Variants in COPS4 observed in about 807,000 individuals in gnomAD.
The protein encoded by COPS4 is COP9 signalosome subunit 4, also known as COP9 signalosome complex subunit 4.
In COPS4, 8 loss-of-function variants were observed where a neutral mutation model predicts 55.1. That is an observed-to-expected ratio of 0.15 (90% CI 0.09 to 0.26). The LOEUF is 0.26. COPS4 is among the 10% of genes least tolerant of loss of function. COPS4 has a pLI of 1.00. For missense variants in COPS4, 248 were observed against 484.0 expected, an observed-to-expected ratio of 0.51 and a Z score of 4.58; for synonymous variants, 185 against 165.7, an observed-to-expected ratio of 1.12 and a Z score of -0.90.
chr4:83,051,080 G>A (rs1730875523), intron 4 of COPS4, among the ~76,000 whole-genome samples: 1 of 146,128 alleles, frequency 6.8e-6, no homozygotes, highest in Non-Finnish European at 1.5e-5. Flanking sequence ...GGGCAGCATA[G>A]CTAGACCCCA....
rs547342429 is a variant in COPS4, at chr4:83,070,421, AC to A, written c.1087+1900del. ...TTGCTTCATGGGCATCTTAGCATGA[AC>A]ATATCAAAAACTGAATTTATTATCT... On this transcript the variant is annotated intron_variant, in intron 9 of 9. Transcript: ENST00000264389. Among the ~76,000 whole-genome samples, 128 of 152,320 alleles carry A rather than the reference AC, an allele frequency of 8.4e-4. 1 individual carries two copies. The highest frequency in any genetic ancestry group is 3.0e-3 in the African/African-American group (125 of 41,566).
At chr4:83,056,017 C>T (rs548387870) in intron 4 of COPS4, among the ~76,000 whole-genome samples, 10 of 150,906 alleles carry the variant, frequency 6.6e-5, no homozygotes, top group African/African-American at 2.2e-4. Context: ...CAACCTGTGC[C>T]TCCTGGGTTC....
chr4:83,038,584 A>G (rs964400347), intron 1 of COPS4, among the ~76,000 whole-genome samples: 1 of 151,992 alleles, frequency 6.6e-6, no homozygotes, highest in African/African-American at 2.4e-5. Context: ...ACCCCATCCA[A>G]TGATTTCTCT....
At chr4:83,073,956 C>CA (rs34926790) in intron 9 of COPS4, among the ~76,000 whole-genome samples, 104,569 of 144,392 alleles carry the variant, frequency 0.72, 37,596 homozygotes, top group Admixed American at 0.79. Context: ...GACTCCGTCT[C>CA]AAAAAAAAAA....
intron 4 of COPS4, among the ~76,000 whole-genome samples, chr4:83,054,070 C>T (rs947599168): frequency 2.6e-5 from 4 of 151,714 alleles, no homozygotes; most frequent in Middle Eastern, 3.4e-3. Context: ...TGGCCAGGCG[C>T]GGTGGCTCAC....
intron 1 of COPS4, among the ~76,000 whole-genome samples, chr4:83,036,349 T>C (rs985977580): frequency 2.6e-5 from 4 of 151,846 alleles, no homozygotes; most frequent in African/African-American, 9.7e-5. Flanking sequence ...TCCTGACAGC[T>C]GAAATCACTT....
At chr4:83,051,457 AGGT>A (rs1185149481) in intron 4 of COPS4, among the ~76,000 whole-genome samples, 1 of 152,144 alleles carries the variant, frequency 6.6e-6, no homozygotes, top group East Asian at 1.9e-4. Context: ...ACCACAGATA[AGGT>A]GGATGTTGTG....
intron 4 of COPS4, among the ~76,000 whole-genome samples, chr4:83,050,443 A>G (rs1463216911): frequency 6.6e-6 from 1 of 152,058 alleles, no homozygotes; most frequent in African/African-American, 2.4e-5. Context: ...GACTACAGGC[A>G]TGCACCACCA....
intron 1 of COPS4, among the ~76,000 whole-genome samples, chr4:83,042,438 A>G (rs1730591600): frequency 1.3e-5 from 2 of 152,088 alleles, no homozygotes; most frequent in Non-Finnish European, 1.5e-5. Context: ...GTTGTTAGAT[A>G]CTAGAATTTA....
intron 4 of COPS4, among the ~76,000 whole-genome samples, chr4:83,051,185 GC>G (rs57053097): frequency 1 from 151,892 of 151,902 alleles, 75,941 homozygotes; most frequent in Middle Eastern, 1. Context: ...GATCGCTTGA[GC>G]CCAGGAGTTT....
intron 7 of COPS4, among the ~76,000 whole-genome samples, chr4:83,065,972 G>A (rs923797156): frequency 9.2e-5 from 14 of 152,148 alleles, no homozygotes; most frequent in African/African-American, 3.1e-4. Context: ...CCAACATGAC[G>A]AAACCCTGTC....
At chr4:83,051,945 A>C (rs982166982) in intron 4 of COPS4, among the ~76,000 whole-genome samples, 3 of 152,246 alleles carry the variant, frequency 2.0e-5, no homozygotes, top group African/African-American at 7.2e-5. Context: ...GTGGTGTCCT[A>C]GAAGCCAAAT....
chr4:83,036,241 C>A (rs1730414333), intron 1 of COPS4, among the ~76,000 whole-genome samples: 1 of 135,216 alleles, frequency 7.4e-6, no homozygotes, highest in Non-Finnish European at 1.6e-5. Flanking sequence ...CTAGACCAGC[C>A]TGGGCAACAT....
chr4:83,040,007 C>T (rs995359791), intron 1 of COPS4, among the ~76,000 whole-genome samples: 1 of 152,142 alleles, frequency 6.6e-6, no homozygotes, highest in African/African-American at 2.4e-5. Context: ...CCCTGTCAGG[C>T]CCACTGACTA....
chr4:83,063,817 C>T (rs574427960), intron 7 of COPS4, among the ~76,000 whole-genome samples: 6 of 152,192 alleles, frequency 3.9e-5, no homozygotes, highest in African/African-American at 1.4e-4. Flanking sequence ...TCAAGTGATT[C>T]TCCTACTTCA....
rs1731029653 is a variant in COPS4, at chr4:83,056,928, A to T, written c.413A>T (p.Gln138Leu). The change falls in exon 5 of 10, where the codon CAG (glutamine) becomes CTG (leucine). Residue 138 changes from glutamine to leucine, a missense_variant and splice_region_variant. Coordinates refer to ENST00000264389, the MANE Select transcript of COPS4 (RefSeq NM_016129.3). The stretch of plus-strand genomic sequence containing the variant: ...TGTGTTTTTCTGTTACATCCTAGAC[A>T]GTACAATGTAGATTATAAACTGGAG... ...VGIPLETGQK[Q>L]YNVDYKLETY... 2 of 1,607,354 alleles carry T rather than the reference A, an allele frequency of 1.2e-6. No homozygotes were observed. Among genetic ancestry groups the T allele is most frequent in the Non-Finnish European group, 1.7e-6 (2 of 1,176,442 alleles).
intron 3 of COPS4, 148 bp from the exon 4 acceptor site, chr4:83,049,733 A>G (rs1368710911): frequency 1.8e-6 from 1 of 558,162 alleles, no homozygotes; most frequent in Non-Finnish European, 3.1e-6. Flanking sequence ...CAAAATTCGT[A>G]GGAAAACTTG....
chr4:83,071,680 A>G (rs1436241857), intron 9 of COPS4, among the ~76,000 whole-genome samples: 1 of 150,726 alleles, frequency 6.6e-6, no homozygotes, highest in Non-Finnish European at 1.5e-5. Context: ...CAGCCTTCCA[A>G]ACTGCTAGGA....
At chr4:83,067,697 A>G (rs980638648) in intron 8 of COPS4, among the ~76,000 whole-genome samples, 4 of 152,094 alleles carry the variant, frequency 2.6e-5, no homozygotes, top group African/African-American at 9.7e-5. Flanking sequence ...TTTTCTAACA[A>G]TTCCTTTACT....
Sources: allele counts gnomAD v4.1 joint callset (sites outside exome capture counted in the v4.1 genomes callset), GRCh38; gene constraint gnomAD v4.1.1; transcripts MANE v1.5; gene names NCBI Gene and HGNC (gene_info 2026-07-23, HGNC 2026-07-21).